TRHDE: variants seen among roughly 807,000 people sequenced by gnomAD.
The protein encoded by TRHDE is thyrotropin-releasing hormone-degrading ectoenzyme.
TRHDE carries 72 observed loss-of-function variants against 125.7 expected under a neutral mutation model. The ratio of observed to expected loss-of-function variants is 0.57; its 90% CI spans 0.47 to 0.70. TRHDE has a LOEUF of 0.70. Ranked by LOEUF, TRHDE falls within the 30% of genes least tolerant of loss-of-function variation. The pLI is 0.00. For synonymous variants in TRHDE, 509 were observed against 509.1 expected (o/e 1.00, Z 0.00); for missense variants, 1,110 against 1,327.1 (o/e 0.84, Z 2.54).
intron 2 of TRHDE, among the ~76,000 whole-genome samples, chr12:72,320,862 A>G (rs1043311680): frequency 6.6e-6 from 1 of 152,120 alleles, no homozygotes; most frequent in African/African-American, 2.4e-5. Context: ...TTTGCATTTC[A>G]TGGTAGAGTG....
At chr12:72,530,374 A>G (rs1402192095) in intron 6 of TRHDE, among the ~76,000 whole-genome samples, 2 of 118,916 alleles carry the variant, frequency 1.7e-5, no homozygotes, top group Non-Finnish European at 3.4e-5. Context: ...TGTAATGATC[A>G]TTTTACGTTT....
rs370099119 is a variant in TRHDE, at chr12:72,621,655, G to C, written c.2579G>C (p.Arg860Thr). The change falls in exon 15 of 19, where the codon AGA becomes ACA. Residue 860 changes from arginine to threonine, a missense_variant. Coordinates refer to ENST00000261180, the MANE Select transcript of TRHDE (RefSeq NM_013381.3). ...QASYQHEELRREVIMLACSFG... is the reference protein window; with the variant it reads ...QASYQHEELRTEVIMLACSFG... ...TTGATGATATCTAGAGAACTACGTA[G>C]AGAAGTTATAATGCTGGCCTGCAGT... The C allele has an allele frequency of 1.2e-6, 2 of 1,605,854 alleles. No individual in the cohort carries two copies. Among genetic ancestry groups the C allele is most frequent in the Non-Finnish European group, 1.7e-6 (2 of 1,176,614 alleles).
At chr12:72,089,707 T>C (rs930358437) in intron 1 of TRHDE, among the ~76,000 whole-genome samples, 1 of 152,196 alleles carries the variant, frequency 6.6e-6, no homozygotes, top group African/African-American at 2.4e-5. Context: ...GCACTCCAAA[T>C]CTCTTAACTC....
chr12:72,635,848 T>C (rs1395303247), intron 15 of TRHDE, among the ~76,000 whole-genome samples: 1 of 152,168 alleles, frequency 6.6e-6, no homozygotes, highest in Admixed American at 6.5e-5. Flanking sequence ...CTCTGTTCTG[T>C]TCCATTGATC....
chr12:72,383,553 T>C (rs1872280806), intron 3 of TRHDE, among the ~76,000 whole-genome samples: 1 of 151,744 alleles, frequency 6.6e-6, no homozygotes, highest in African/African-American at 2.4e-5. Flanking sequence ...ATTTTTGTGT[T>C]TTTAGTACAG....
Position 72,663,352 on chromosome 12 carries a change from G to A in TRHDE, c.*157G>A. 1 of 529,264 alleles carries A rather than the reference G, an allele frequency of 1.9e-6. No homozygotes were observed. Among genetic ancestry groups the A allele is most frequent in the Non-Finnish European group, 3.2e-6 (1 of 317,312 alleles). 32.8% of individuals were successfully genotyped at this position (529,264 alleles called of 1,614,324 possible). Reference sequence around the variant, plus strand: ...TTTAGTTTTTATTTTTTGGTTTTGGGGGATATTTTTTATTTGTTTCATTCA... The same window carrying A: ...TTTAGTTTTTATTTTTTGGTTTTGGAGGATATTTTTTATTTGTTTCATTCA... On this transcript the variant is annotated 3_prime_UTR_variant, in exon 19 of 19. Transcript: ENST00000261180.
intron 3 of TRHDE, among the ~76,000 whole-genome samples, chr12:72,453,675 A>G (rs1443965979): frequency 6.6e-6 from 1 of 152,232 alleles, no homozygotes; most frequent in East Asian, 1.9e-4. Context: ...AGCCCCTCCC[A>G]TCACAGGCCC....
intron 3 of TRHDE, among the ~76,000 whole-genome samples, chr12:72,379,346 C>A (rs947406816): frequency 6.6e-6 from 1 of 152,062 alleles, no homozygotes; most frequent in African/African-American, 2.4e-5. Flanking sequence ...TATTTTAAAC[C>A]GGATCAATGT....
At chr12:72,560,205 G>A (rs979478954) in intron 7 of TRHDE, among the ~76,000 whole-genome samples, 1 of 152,152 alleles carries the variant, frequency 6.6e-6, no homozygotes, top group African/African-American at 2.4e-5. Flanking sequence ...AAGAAGATAT[G>A]TTATCTTCCC....
chr12:72,529,687 G>A (rs1015839729), intron 6 of TRHDE, among the ~76,000 whole-genome samples: 14 of 152,160 alleles, frequency 9.2e-5, no homozygotes, highest in African/African-American at 3.4e-4. Context: ...ATATGTGAGT[G>A]TTGGTCGTTC....
intron 2 of TRHDE, among the ~76,000 whole-genome samples, chr12:72,372,310 G>C (rs1250190647): frequency 6.6e-6 from 1 of 152,036 alleles, no homozygotes; most frequent in Admixed American, 6.6e-5. Context: ...AGATGAGTAG[G>C]TTGCGAAAAT....
chr12:72,428,770 G>T (rs1166218353), intron 3 of TRHDE, among the ~76,000 whole-genome samples: 1 of 151,990 alleles, frequency 6.6e-6, no homozygotes, highest in Non-Finnish European at 1.5e-5. Flanking sequence ...ACCATACCCT[G>T]CCTAAAAATC....
rs1201887618 is a variant in TRHDE, at chr12:72,273,706, A to G, written c.914+149A>G. ...GAAACGAAAGCGGAGTAGGGCAGTCAGAACTCCGGGGTCTCCCAGATGCCT... is the reference window on the plus strand; with the variant it reads ...GAAACGAAAGCGGAGTAGGGCAGTCGGAACTCCGGGGTCTCCCAGATGCCT... On this transcript the variant is annotated intron_variant, in intron 1 of 18. Transcript: ENST00000261180. The surrounding 1 kb of genome is among the most constrained non-coding windows in gnomAD (Gnocchi z 5.3). 5.5e-6 allele frequency: 4 copies of G among 723,062 alleles called. No homozygotes were observed. Among genetic ancestry groups the G allele is most frequent in the Non-Finnish European group, 9.0e-6 (4 of 444,424 alleles). 44.8% of individuals were successfully genotyped at this position (723,062 alleles called of 1,614,324 possible).
intron 2 of TRHDE, among the ~76,000 whole-genome samples, chr12:72,325,935 T>C (rs2135714829): frequency 6.6e-6 from 1 of 152,280 alleles, no homozygotes; most frequent in East Asian, 1.9e-4. Context: ...TTCACTCAAA[T>C]AACTTGCCAG....
intron 2 of TRHDE, among the ~76,000 whole-genome samples, chr12:72,182,963 T>C (rs1877124672): frequency 6.6e-6 from 1 of 151,810 alleles, no homozygotes; most frequent in Non-Finnish European, 1.5e-5. Flanking sequence ...GAATTAGGAG[T>C]CTGTAAAGAG....
At chr12:72,515,118 A>G (rs1484534314) in intron 6 of TRHDE, among the ~76,000 whole-genome samples, 1 of 129,750 alleles carries the variant, frequency 7.7e-6, no homozygotes, top group Non-Finnish European at 1.6e-5. Context: ...GTGTCTTTAT[A>G]GCAGCATGAT....
At chr12:72,560,528 A>G (rs1289587803) in intron 7 of TRHDE, 2 of 152,172 alleles carry the variant, frequency 1.3e-5, no homozygotes, top group Non-Finnish European at 1.5e-5. Flanking sequence ...TACATCACTA[A>G]AATAAAATGC....
rs551330823 is a variant in TRHDE at position 72,130,106 on chromosome 12, C to A, written n.279+24354C>A. 4.2e-3 allele frequency among the ~76,000 whole-genome samples: 644 copies of A among 152,044 alleles called. 1 individual carries two copies. The highest frequency in any genetic ancestry group is 0.015 in the African/African-American group (622 of 41,494). ...CATGAGGTCAGGAGTTTGAGACCAG[C>A]CTGGCCAACATGGTGAAACCCTGTC... On this transcript the variant is annotated intron_variant and non_coding_transcript_variant, in intron 2 of 4. Coordinates refer to the TRHDE transcript ENST00000548156.
At chr12:72,575,675 T>C in intron 12 of TRHDE, 133 bp downstream of exon 12, 1 of 860,706 alleles carries the variant, frequency 1.2e-6, no homozygotes, top group Middle Eastern at 3.3e-4. Flanking sequence ...TTCTTTGACT[T>C]TGGATATGAG....
Sources: gnomAD v4.1 joint callset for allele counts (sites outside exome capture counted in the v4.1 genomes callset) on GRCh38, gnomAD v4.1.1 for gene constraint, Gnocchi (gnomAD v3.1) non-coding constraint, MANE v1.5 for transcripts, NCBI Gene and HGNC (gene_info 2026-07-23, HGNC 2026-07-21) for gene names.